CHST9: variants seen among roughly 807,000 people sequenced by gnomAD.
The protein encoded by CHST9 is GalNAc-4-sulfotransferase 2.
CHST9 carries 41 observed loss-of-function variants against 44.4 expected under a neutral mutation model. The observed-to-expected ratio is 0.92, with a 90% CI of 0.72 to 1.20. The LOEUF (loss-of-function observed/expected upper bound fraction) is 1.20, where lower values mean the gene tolerates loss of function less well. CHST9 is among the 50% of genes most tolerant of loss of function. CHST9 has a pLI of 0.00. For synonymous variants in CHST9, 171 were observed against 178.4 expected, an observed-to-expected ratio of 0.96 and a Z score of 0.33; for missense variants, 504 against 516.5, an observed-to-expected ratio of 0.98 and a Z score of 0.23.
rs114459775 is a variant in CHST9, at chr18:27,098,756, G to A, written c.121+43933C>T. On this transcript the variant is annotated intron_variant, in intron 2 of 5. Coordinates refer to ENST00000618847, the MANE Select transcript of CHST9 (RefSeq NM_031422.6). ...CCATAAGTGGGAGTACAAAGTGGCT[G>A]TACTTCCCAAAGCAAACTGCAGATT... 4.1e-3 allele frequency among the ~76,000 whole-genome samples: 625 copies of A among 151,336 alleles called. 5 individuals carry two copies. Among genetic ancestry groups the A allele is most frequent in the African/African-American group, 0.014 (577 of 41,276 alleles).
At chr18:27,070,922 G>A (rs1052788771) in intron 2 of CHST9, among the ~76,000 whole-genome samples, 1 of 152,132 alleles carries the variant, frequency 6.6e-6, no homozygotes, top group Non-Finnish European at 1.5e-5. Context: ...AAAAGGAGGG[G>A]ACTAGCCAGA....
chr18:26,931,424 C>T (rs750007170), intron 5 of CHST9, among the ~76,000 whole-genome samples: 2 of 152,182 alleles, frequency 1.3e-5, no homozygotes, highest in Admixed American at 6.5e-5. Flanking sequence ...TCACCTATAG[C>T]CAGTACTGTA....
intron 1 of CHST9, among the ~76,000 whole-genome samples, chr18:27,149,596 C>T (rs916662210): frequency 9.7e-6 from 1 of 103,372 alleles, no homozygotes; most frequent in Admixed American, 1.2e-4. Flanking sequence ...AAACTATTTT[C>T]AGCTTTTTTT....
At chr18:26,983,461 G>A (rs572970182) in intron 4 of CHST9, among the ~76,000 whole-genome samples, 15 of 152,204 alleles carry the variant, frequency 9.9e-5, no homozygotes, top group Middle Eastern at 3.4e-3. Context: ...TCTTGTTCCT[G>A]CTTCTCCCAT....
chr18:27,127,018 C>A (rs9946111), intron 2 of CHST9, among the ~76,000 whole-genome samples: 1,606 of 152,216 alleles, frequency 0.011, 23 homozygotes, highest in African/African-American at 0.034. Context: ...TAGGTGGAGC[C>A]ATTGCACCAC....
intron 2 of CHST9, among the ~76,000 whole-genome samples, chr18:27,109,970 C>T: frequency 6.6e-6 from 1 of 152,040 alleles, no homozygotes; most frequent in Non-Finnish European, 1.5e-5. Flanking sequence ...AGTCCAATTT[C>T]CTTTATTTAG....
intron 1 of CHST9, among the ~76,000 whole-genome samples, chr18:27,184,481 C>A (rs1382353087): frequency 6.6e-6 from 1 of 152,146 alleles, no homozygotes; most frequent in East Asian, 1.9e-4. Context: ...TTCCTTCTCC[C>A]CGCAACCCAC....
At chr18:27,181,885 G>A (rs2058915260) in intron 1 of CHST9, among the ~76,000 whole-genome samples, 1 of 152,214 alleles carries the variant, frequency 6.6e-6, no homozygotes, top group East Asian at 1.9e-4. Flanking sequence ...GCTCACTTCT[G>A]CCACCCAGCT....
intron 5 of CHST9, among the ~76,000 whole-genome samples, chr18:26,923,917 A>T (rs1030738761): frequency 6.6e-6 from 1 of 152,182 alleles, no homozygotes. Flanking sequence ...TACCAGGTGG[A>T]CAAGCCAGAG....
intron 4 of CHST9, among the ~76,000 whole-genome samples, chr18:26,998,290 T>C (rs1157559549): frequency 6.6e-6 from 1 of 152,196 alleles, no homozygotes; most frequent in Non-Finnish European, 1.5e-5. Context: ...ACAAATCCCA[T>C]GCCTCTGCAA....
chr18:27,169,268 G>A (rs1270994453), intron 1 of CHST9, among the ~76,000 whole-genome samples: 1 of 152,112 alleles, frequency 6.6e-6, no homozygotes, highest in Non-Finnish European at 1.5e-5. Flanking sequence ...AATACAAGAG[G>A]TCTAGGCTGA....
chr18:27,066,074 A>C (rs2143631823), intron 2 of CHST9, among the ~76,000 whole-genome samples: 1 of 152,346 alleles, frequency 6.6e-6, no homozygotes, highest in South Asian at 2.1e-4. Context: ...GGGTGGAAAA[A>C]CAGTCCATTT....
chr18:27,095,211 G>A (rs963268107), intron 2 of CHST9, among the ~76,000 whole-genome samples: 6 of 152,098 alleles, frequency 3.9e-5, no homozygotes, highest in Non-Finnish European at 5.9e-5. Context: ...TTGCAGTCAG[G>A]AAACAAGAGC....
rs8091723 is a variant in CHST9 at position 27,038,542 on chromosome 18, A to C, written c.160+9923T>G. On this transcript the variant is annotated intron_variant, in intron 3 of 5. Transcript: ENST00000618847. ...GATAGAGCTAGACTCAGTTTCAAAA[A>C]AAAAAGAACTTCCAGCAAGGGCTTC... Among the ~76,000 whole-genome samples the C allele has an allele frequency of 5.6e-3, 856 of 152,320 alleles. 12 individuals are homozygous for C. The highest frequency in any genetic ancestry group is 0.019 in the African/African-American group (799 of 41,578).
chr18:27,092,903 G>A (rs985779063), intron 2 of CHST9, among the ~76,000 whole-genome samples: 6 of 152,248 alleles, frequency 3.9e-5, no homozygotes, highest in South Asian at 2.1e-4. Context: ...GTGTGGTGCC[G>A]AGAAGAATGT....
intron 1 of CHST9, among the ~76,000 whole-genome samples, chr18:27,143,343 T>C (rs1284295760): frequency 1.3e-5 from 2 of 152,124 alleles, no homozygotes; most frequent in East Asian, 1.9e-4. Flanking sequence ...AGGTGTAATA[T>C]CATTTTTCTC....
chr18:26,921,976 C>G (rs1003521121), intron 5 of CHST9, among the ~76,000 whole-genome samples: 1 of 152,192 alleles, frequency 6.6e-6, no homozygotes, highest in Non-Finnish European at 1.5e-5. Context: ...TAATTACCCC[C>G]AATTGGATAT....
intron 2 of CHST9, among the ~76,000 whole-genome samples, chr18:27,056,142 C>T (rs1277036584): frequency 6.6e-6 from 1 of 152,142 alleles, no homozygotes; most frequent in Non-Finnish European, 1.5e-5. Context: ...AATTATCTAA[C>T]CACAATGTTT....
chr18:27,155,430 C>T (rs1428284134), intron 1 of CHST9, among the ~76,000 whole-genome samples: 9 of 152,118 alleles, frequency 5.9e-5, no homozygotes, highest in Non-Finnish European at 1.2e-4. Flanking sequence ...CTATTAGGCC[C>T]AGATATGATT....
Sources: gnomAD v4.1 joint callset for allele counts (sites outside exome capture counted in the v4.1 genomes callset) on GRCh38, gnomAD v4.1.1 for gene constraint, MANE v1.5 for transcripts, NCBI Gene and HGNC (gene_info 2026-07-23, HGNC 2026-07-21) for gene names.